The following COL5A2 variants were observed in gnomAD, a reference collection of about 807,000 sequenced individuals.
COL5A2 encodes collagen type V alpha 2 chain.
A neutral mutation model predicts 208.2 loss-of-function variants in COL5A2; 23 were observed. The ratio of observed to expected loss-of-function variants is 0.11; its 90% confidence interval spans 0.08 to 0.16. COL5A2 has a LOEUF of 0.16. Ranked by LOEUF, COL5A2 falls within the 10% of genes least tolerant of loss-of-function variation. The pLI, the probability that COL5A2 is intolerant of heterozygous loss-of-function variation, is 1.00. For synonymous variants in COL5A2, 625 were observed against 628.5 expected (o/e 0.99, Z 0.08); for missense variants, 1,590 against 1,956.4 (o/e 0.81, Z 3.53).
At chr2:189,394,116 T>C in the COL5A2 span, among the ~76,000 whole-genome samples, 2 of 152,198 alleles carry the variant, frequency 1.3e-5, no homozygotes, top group Non-Finnish European at 2.9e-5. Flanking sequence ...AAGGTCATTA[T>C]TGTGTATTCT....
At chr2:189,081,560 G>A (rs1686534267) in intron 12 of COL5A2, among the ~76,000 whole-genome samples, 1 of 152,032 alleles carries the variant, frequency 6.6e-6, no homozygotes, top group Non-Finnish European at 1.5e-5. Flanking sequence ...GAATATGATG[G>A]GAAGAACAGT....
chr2:189,366,854 C>A, the COL5A2 span, among the ~76,000 whole-genome samples: 2 of 152,132 alleles, frequency 1.3e-5, no homozygotes, highest in Non-Finnish European at 2.9e-5. Context: ...GTGCGTCTTC[C>A]CAATTATATC....
intron 1 of COL5A2, among the ~76,000 whole-genome samples, chr2:189,148,025 T>C (rs1173046750): frequency 6.6e-6 from 1 of 152,132 alleles, no homozygotes; most frequent in Non-Finnish European, 1.5e-5. Context: ...AAAAGCGCCA[T>C]GATGCTCTTA....
chr2:189,323,635 A>G, the COL5A2 span, among the ~76,000 whole-genome samples: 2 of 152,220 alleles, frequency 1.3e-5, no homozygotes, highest in African/African-American at 2.4e-5. Context: ...GACCTTTTCA[A>G]GGAGAACTAC....
chr2:189,406,802 G>A, the COL5A2 span, among the ~76,000 whole-genome samples: 1 of 152,068 alleles, frequency 6.6e-6, no homozygotes, highest in Non-Finnish European at 1.5e-5. Context: ...GATGATGCAA[G>A]ATAAACTCTT....
At chr2:189,421,855 C>CA in the COL5A2 span, among the ~76,000 whole-genome samples, 1 of 152,170 alleles carries the variant, frequency 6.6e-6, no homozygotes, top group Non-Finnish European at 1.5e-5. Flanking sequence ...CTAAGGATTT[C>CA]TAGCACATCC....
the COL5A2 span, among the ~76,000 whole-genome samples, chr2:189,424,417 A>G: frequency 6.6e-6 from 1 of 152,174 alleles, no homozygotes; most frequent in African/African-American, 2.4e-5. Context: ...GACTTTATGT[A>G]CTTTTTTTAA....
At chr2:189,365,795 T>A in the COL5A2 span, among the ~76,000 whole-genome samples, 38 of 152,336 alleles carry the variant, frequency 2.5e-4, no homozygotes, top group South Asian at 7.9e-3. Flanking sequence ...GATTGATGGT[T>A]TGCATCTGGT....
chr2:189,072,506 T>G (rs975053662), intron 17 of COL5A2, among the ~76,000 whole-genome samples: 1 of 152,184 alleles, frequency 6.6e-6, no homozygotes, highest in Non-Finnish European at 1.5e-5. Flanking sequence ...GCACGGTGGC[T>G]CATGCCTGTA....
At chr2:189,414,753 C>CAAAAAAA in the COL5A2 span, among the ~76,000 whole-genome samples, 3 of 70,306 alleles carry the variant, frequency 4.3e-5, no homozygotes, top group Non-Finnish European at 8.1e-5. Flanking sequence ...GACTCTGTCT[C>CAAAAAAA]AAAAAAAAAA....
chr2:189,121,303 C>G (rs1415663996), intron 1 of COL5A2, among the ~76,000 whole-genome samples: 1 of 151,908 alleles, frequency 6.6e-6, no homozygotes, highest in South Asian at 2.1e-4. Context: ...TATTGTTACT[C>G]CTGGCTCCTT....
chr2:189,283,391 C>T, the COL5A2 span, among the ~76,000 whole-genome samples: 1 of 152,032 alleles, frequency 6.6e-6, no homozygotes, highest in African/African-American at 2.4e-5. Context: ...GAGCTTAACT[C>T]AATCTCTGTG....
In COL5A2 at chr2:189,051,329, A is replaced by G; in HGVS notation, c.2922T>C (p.Asp974=). 1 of 1,614,116 alleles carries G rather than the reference A, an allele frequency of 6.2e-7. No individual in the cohort carries two copies. Among genetic ancestry groups the G allele is most frequent in the Non-Finnish European group, 8.5e-7 (1 of 1,179,992 alleles). The change falls in exon 42 of 54, where the codon GAT becomes GAC. Residue 974 remains aspartate (D), a synonymous_variant. Transcript: ENST00000374866. ...GPGDKGDPGE[D]GQPGPDGPPG... ...GATACGCCAAACTTACAGGTTGCCC[A>G]TCTTCTCCTGGGTCCCCTTTGTCTC...
the COL5A2 span, among the ~76,000 whole-genome samples, chr2:189,431,255 T>A: frequency 6.6e-6 from 1 of 152,008 alleles, no homozygotes; most frequent in Non-Finnish European, 1.5e-5. Flanking sequence ...GCTGAAAAAC[T>A]GAAAATTCTA....
intron 1 of COL5A2, among the ~76,000 whole-genome samples, chr2:189,131,465 A>G (rs1412352532): frequency 1.3e-5 from 2 of 152,172 alleles, no homozygotes; most frequent in Admixed American, 1.3e-4. Context: ...TCTTGGGTGA[A>G]AAAAATGTCT....
At chr2:189,310,801 T>C in the COL5A2 span, among the ~76,000 whole-genome samples, 2 of 152,256 alleles carry the variant, frequency 1.3e-5, no homozygotes, top group East Asian at 1.9e-4. Context: ...GAGATCATTA[T>C]GTTAAGCAAA....
the COL5A2 span, among the ~76,000 whole-genome samples, chr2:189,421,474 CT>C: frequency 6.6e-6 from 1 of 152,008 alleles, no homozygotes; most frequent in South Asian, 2.1e-4. Flanking sequence ...TTTATGTTAC[CT>C]GCAGCACCCC....
chr2:189,374,877 T>C, the COL5A2 span, among the ~76,000 whole-genome samples: 1 of 152,162 alleles, frequency 6.6e-6, no homozygotes, highest in Non-Finnish European at 1.5e-5. Flanking sequence ...TAAAAATACT[T>C]TCTAAACAAA....
chr2:189,268,322 G>A, the COL5A2 span, among the ~76,000 whole-genome samples: 1 of 151,982 alleles, frequency 6.6e-6, no homozygotes, highest in Non-Finnish European at 1.5e-5. Flanking sequence ...ACATTTTGTT[G>A]CCTAAAATTG....
Sources: allele counts gnomAD v4.1 joint callset (sites outside exome capture counted in the v4.1 genomes callset), GRCh38; gene constraint gnomAD v4.1.1; transcripts MANE v1.5; gene names NCBI Gene and HGNC (gene_info 2026-07-23, HGNC 2026-07-21).